Variants in IL1RAPL2 observed in about 807,000 individuals in gnomAD.
The protein encoded by IL1RAPL2 is interleukin 1 receptor accessory protein like 2, also known as X-linked interleukin-1 receptor accessory protein-like 2.
A neutral mutation model predicts 44.1 loss-of-function variants in IL1RAPL2; 3 were observed. The ratio of observed to expected loss-of-function variants is 0.07; its 90% confidence interval spans 0.03 to 0.18. The LOEUF (loss-of-function observed/expected upper bound fraction) is 0.18, where lower values mean the gene tolerates loss of function less well. Ranked by LOEUF, IL1RAPL2 falls within the 10% of genes least tolerant of loss-of-function variation. IL1RAPL2 has a pLI of 1.00. For synonymous variants in IL1RAPL2, 181 were observed against 178.8 expected (o/e 1.01, Z -0.10); for missense variants, 391 against 496.4 (o/e 0.79, Z 2.02).
chrX:105,707,377 A>C (rs2038173964), intron 6 of IL1RAPL2, among the ~76,000 whole-genome samples: 1 of 112,388 alleles, frequency 8.9e-6, no homozygotes, highest in African/African-American at 3.2e-5. Context: ...AAACCGATTT[A>C]AAAATAAGAA....
intron 2 of IL1RAPL2, among the ~76,000 whole-genome samples, chrX:104,836,309 A>T (rs752833288): frequency 1.8e-5 from 2 of 109,317 alleles, no homozygotes; most frequent in African/African-American, 6.6e-5. Flanking sequence ...TTTAATGGGT[A>T]AAAAAAAACC....
intron 2 of IL1RAPL2, among the ~76,000 whole-genome samples, chrX:105,046,067 G>A (rs2031832992): frequency 9.0e-6 from 1 of 111,288 alleles, no homozygotes; most frequent in Non-Finnish European, 1.9e-5. Flanking sequence ...AAAACATTAA[G>A]ACTTCCAGAT....
intron 2 of IL1RAPL2, among the ~76,000 whole-genome samples, chrX:104,795,699 G>A (rs1197888785): frequency 3.6e-5 from 4 of 110,970 alleles, no homozygotes; most frequent in African/African-American, 1.3e-4. Context: ...GTTACACTGG[G>A]GACTCAGATA....
chrX:105,589,574 C>T (rs1441276013), intron 6 of IL1RAPL2, among the ~76,000 whole-genome samples: 1 of 111,053 alleles, frequency 9.0e-6, no homozygotes, highest in Non-Finnish European at 1.9e-5. Flanking sequence ...AAGAAGGGGT[C>T]CAGTTTCAAT....
intron 2 of IL1RAPL2, among the ~76,000 whole-genome samples, chrX:105,118,228 CT>C (rs1189651178): frequency 1.7e-4 from 19 of 112,471 alleles, no homozygotes; most frequent in Non-Finnish European, 1.9e-4. Flanking sequence ...TAAATGTGGT[CT>C]TTGATGATCC....
intron 1 of IL1RAPL2, among the ~76,000 whole-genome samples, chrX:104,607,921 C>T (rs1929051787): frequency 8.9e-6 from 1 of 111,959 alleles, no homozygotes; most frequent in Non-Finnish European, 1.9e-5. Flanking sequence ...TATACAGACA[C>T]ATGCACACGT....
At chrX:104,824,568 G>T (rs1051516470) in intron 2 of IL1RAPL2, among the ~76,000 whole-genome samples, 1 of 111,972 alleles carries the variant, frequency 8.9e-6, no homozygotes, top group African/African-American at 3.2e-5. Context: ...TTCAGAACTT[G>T]TTATTGGTCT....
At chrX:105,169,598 G>C (rs2033405849) in intron 2 of IL1RAPL2, among the ~76,000 whole-genome samples, 1 of 93,541 alleles carries the variant, frequency 1.1e-5, no homozygotes, top group South Asian at 5.4e-4. Flanking sequence ...TCCACTTCTT[G>C]GCTCACTGCA....
intron 1 of IL1RAPL2, among the ~76,000 whole-genome samples, chrX:104,655,324 T>C (rs1245848538): frequency 2.7e-5 from 3 of 111,442 alleles, no homozygotes; most frequent in Non-Finnish European, 5.6e-5. Context: ...TAAATGGCTC[T>C]TATTATTTTG....
At chrX:105,260,790 C>G (rs1569414739) in intron 4 of IL1RAPL2, among the ~76,000 whole-genome samples, 1 of 112,647 alleles carries the variant, frequency 8.9e-6, no homozygotes. Context: ...ATGGCTAAGT[C>G]ACCCAAACAG....
At chrX:105,050,435 G>A (rs1435619367) in intron 2 of IL1RAPL2, among the ~76,000 whole-genome samples, 3 of 111,994 alleles carry the variant, frequency 2.7e-5, no homozygotes, top group Admixed American at 9.5e-5. Flanking sequence ...TTGACTGGTT[G>A]TCTGAATCCT....
intron 2 of IL1RAPL2, among the ~76,000 whole-genome samples, chrX:105,096,738 G>A (rs2147557688): frequency 9.0e-6 from 1 of 111,345 alleles, no homozygotes; most frequent in South Asian, 3.8e-4. Flanking sequence ...TTCTTTTTGA[G>A]GTAATGAAAA....
chrX:104,567,358 G>A (rs1430499583), intron 1 of IL1RAPL2, among the ~76,000 whole-genome samples: 3 of 112,726 alleles, frequency 2.7e-5, no homozygotes, highest in Non-Finnish European at 5.6e-5. Context: ...TGCGGCTGGC[G>A]CGCGGGCTCT....
chrX:105,661,683 T>C (rs1440287613), intron 6 of IL1RAPL2, among the ~76,000 whole-genome samples: 1 of 112,164 alleles, frequency 8.9e-6, no homozygotes, highest in East Asian at 2.8e-4. Context: ...TGTAGCTGTC[T>C]AATACTTATC....
chrX:105,657,163 A>G (rs960363899), intron 6 of IL1RAPL2, among the ~76,000 whole-genome samples: 1 of 111,875 alleles, frequency 8.9e-6, no homozygotes, highest in Non-Finnish European at 1.9e-5. Flanking sequence ...ATGAAGATAT[A>G]TAGTGGTAGA....
chrX:104,936,818 G>C (rs537250417), intron 2 of IL1RAPL2, among the ~76,000 whole-genome samples: 2 of 110,204 alleles, frequency 1.8e-5, no homozygotes, highest in South Asian at 7.8e-4. Context: ...GTGTTAGCCA[G>C]AATGGTCTCG....
chrX:105,140,191 C>A (rs1454644254), intron 2 of IL1RAPL2, among the ~76,000 whole-genome samples: 1 of 112,724 alleles, frequency 8.9e-6, no homozygotes, highest in Admixed American at 9.4e-5. Context: ...TCTCCTTTTA[C>A]CTTCCTATTA....
At chrX:104,653,989 C>T (rs1203939990) in intron 1 of IL1RAPL2, among the ~76,000 whole-genome samples, 1 of 110,574 alleles carries the variant, frequency 9.0e-6, no homozygotes, top group Non-Finnish European at 1.9e-5. Context: ...AGCTGAACCA[C>T]CATATAGGTA....
At chrX:104,818,343 C>CAA (rs768639524) in intron 2 of IL1RAPL2, among the ~76,000 whole-genome samples, 3,461 of 27,222 alleles carry the variant, frequency 0.13, 517 homozygotes, top group African/African-American at 0.36. Context: ...GACTCCGTCT[C>CAA]AAAAAAAAAA....
Sources: gnomAD v4.1 joint callset for allele counts (sites outside exome capture counted in the v4.1 genomes callset) on GRCh38, gnomAD v4.1.1 for gene constraint, MANE v1.5 for transcripts, NCBI Gene and HGNC (gene_info 2026-07-23, HGNC 2026-07-21) for gene names.